SMAD4: variants seen among roughly 807,000 people sequenced by gnomAD.
The protein encoded by SMAD4 is MAD homolog 4.
Under a neutral mutation model 63.2 loss-of-function variants are expected in SMAD4, and 7 were observed. The observed-to-expected ratio is 0.11, with a 90% CI of 0.06 to 0.21. The LOEUF (loss-of-function observed/expected upper bound fraction) is 0.21, where lower values mean the gene tolerates loss of function less well. Among genes scored for constraint, SMAD4 ranks in the 10% least tolerant of loss-of-function variants. The probability of loss-of-function intolerance (pLI) is 1.00; values close to 1 mark genes in which losing one functional copy is unlikely to be tolerated. For synonymous variants in SMAD4, 215 were observed against 235.4 expected (o/e 0.91, Z 0.79); for missense variants, 312 against 693.8 (o/e 0.45, Z 6.18).
intron 1 of SMAD4, among the ~76,000 whole-genome samples, chr18:51,042,601 G>C (rs201278703): frequency 9.1e-3 from 1 of 110 alleles, no homozygotes. Flanking sequence ...TGGCAACCGT[G>C]CCTTTGTTGC....
chr18:51,075,966 T>TC (rs1360606355), intron 10 of SMAD4, among the ~76,000 whole-genome samples: 1 of 152,156 alleles, frequency 6.6e-6, no homozygotes, highest in Admixed American at 6.5e-5. Flanking sequence ...GCCTTTTTTT[T>TC]CCTTAAAAAT....
chr18:51,062,498 A>T (rs1176940242), intron 8 of SMAD4, among the ~76,000 whole-genome samples: 1 of 151,338 alleles, frequency 6.6e-6, no homozygotes, highest in African/African-American at 2.4e-5. Context: ...TTTATTTTTT[A>T]AATTTTTATT....
At chr18:51,071,650 C>T (rs1910320883) in intron 10 of SMAD4, among the ~76,000 whole-genome samples, 1 of 152,138 alleles carries the variant, frequency 6.6e-6, no homozygotes, top group Non-Finnish European at 1.5e-5. Flanking sequence ...ATACAAGTCA[C>T]CCATTTAAAT....
At chr18:51,046,547 T>C (rs1909548950) in intron 1 of SMAD4, among the ~76,000 whole-genome samples, 1 of 152,004 alleles carries the variant, frequency 6.6e-6, no homozygotes, top group Non-Finnish European at 1.5e-5. Context: ...TAATAGACTT[T>C]TAGGTTTAAC....
At chr18:51,040,083 A>G (rs1909328152) in intron 1 of SMAD4, among the ~76,000 whole-genome samples, 1 of 152,124 alleles carries the variant, frequency 6.6e-6, no homozygotes, top group African/African-American at 2.4e-5. Flanking sequence ...TCCTAGTAAT[A>G]ACATTGATAT....
intron 2 of SMAD4, 119 bp downstream of exon 2, chr18:51,047,414 GCATCCTGTA>G: frequency 1.1e-6 from 1 of 881,630 alleles, no homozygotes; most frequent in Non-Finnish European, 1.9e-6. Flanking sequence ...CAGATACTGT[GCATCCTGTA>G]CAAATATGCA....
At chr18:51,066,101 C>G (rs1279866859) in intron 9 of SMAD4, among the ~76,000 whole-genome samples, 10 of 151,984 alleles carry the variant, frequency 6.6e-5, no homozygotes, top group Non-Finnish European at 1.0e-4. Flanking sequence ...CCTATAATCC[C>G]AGCACTTTGG....
At chr18:51,046,856 A>T (rs554393420) in intron 1 of SMAD4, 64 bp from the exon 2 acceptor site, 2 of 562,082 alleles carry the variant, frequency 3.6e-6, no homozygotes, top group Non-Finnish European at 6.3e-6. Context: ...ATCTTTTCCC[A>T]AGTAGTCAGA....
chr18:51,075,049 C>T (rs1910437744), intron 10 of SMAD4, among the ~76,000 whole-genome samples: 1 of 152,070 alleles, frequency 6.6e-6, no homozygotes, highest in African/African-American at 2.4e-5. Flanking sequence ...ACCTAATAGT[C>T]CAGGAAATAC....
chr18:51,030,848 G>T (rs1909026235), intron 1 of SMAD4, among the ~76,000 whole-genome samples: 1 of 151,722 alleles, frequency 6.6e-6, no homozygotes, highest in East Asian at 2.0e-4. Context: ...CCCCAGCTCC[G>T]CTTGCAGCTC....
intron 1 of SMAD4, among the ~76,000 whole-genome samples, chr18:51,038,289 G>C (rs919050663): frequency 4.6e-5 from 7 of 151,952 alleles, no homozygotes; most frequent in Admixed American, 4.6e-4. Flanking sequence ...GTCAACACTG[G>C]GAAGATCTGT....
Position 51,046,896 on chromosome 18 carries a change from GTCTT to G in SMAD4, c.-127-22_-127-19del. ...CTTCGTAAAATGTGTTCTGATGTGT[GTCTT>G]TTTTTTTTTTCTTTTTTAGGTTATC... is the stretch of plus-strand genomic sequence containing the variant. On this transcript the variant is annotated intron_variant, in intron 1 of 11. Transcript: ENST00000342988. The G allele has an allele frequency of 1.5e-6, 1 of 659,026 alleles. No individual in the cohort carries two copies. Among genetic ancestry groups the G allele is most frequent in the East Asian group, 2.7e-5 (1 of 36,822 alleles). The allele number at this position is 659,026 out of a possible 1,614,324, so 40.8% of individuals were successfully genotyped here.
intron 1 of SMAD4, among the ~76,000 whole-genome samples, chr18:51,046,437 G>GT (rs35325456): frequency 0.38 from 53,718 of 140,944 alleles, 9,888 homozygotes; most frequent in East Asian, 0.46. Flanking sequence ...CTAAATTGGG[G>GT]TTTTTTTTTT....
chr18:51,076,837 C>T (rs2144475168), intron 11 of SMAD4, 61 bp downstream of exon 11: 1 of 1,308,848 alleles, frequency 7.6e-7, no homozygotes, highest in South Asian at 1.4e-5. Context: ...TCTTGATTTA[C>T]TCAGTTGATT....
chr18:51,037,133 G>T lies in SMAD4; in HGVS notation c.-128+6510G>T, dbSNP rs140416457. Among the ~76,000 whole-genome samples the T allele has an allele frequency of 4.6e-3, 708 of 152,312 alleles. 5 individuals are homozygous for T. Among genetic ancestry groups the T allele is most frequent in the African/African-American group, 0.016 (675 of 41,568 alleles). ...TGGGAGACAGAGGTTGCAGTGAGCTGAGATTGTGCCACTGCACTCCAGCCT... is the reference window on the plus strand; with the variant it reads ...TGGGAGACAGAGGTTGCAGTGAGCTTAGATTGTGCCACTGCACTCCAGCCT... On this transcript the variant is annotated intron_variant, in intron 1 of 11. Coordinates refer to ENST00000342988, the MANE Select transcript of SMAD4 (RefSeq NM_005359.6).
chr18:51,054,257 A>T (rs1217222391), intron 4 of SMAD4: 2 of 165,278 alleles, frequency 1.2e-5, no homozygotes, highest in East Asian at 3.3e-4. Context: ...CATTCAGTAC[A>T]CTTCATTTTT....
In SMAD4 at chr18:51,067,085, T is replaced by A. The variant is rs758696549; in HGVS notation, c.1206T>A (p.Leu402=). 6.2e-7 allele frequency: 1 copy of A among 1,612,692 alleles called. No individual in the cohort carries two copies. The highest frequency in any genetic ancestry group is 8.5e-7 in the Non-Finnish European group (1 of 1,178,668). Residue 402 remains leucine (L), a synonymous_variant, in exon 10 of 12, where the codon CTT becomes CTA. Transcript: ENST00000342988. ...KGEGDVWVRC[L]SDHAVFVQSY... ...AAGGTGATGTTTGGGTCAGGTGCCT[T>A]AGTGACCACGCGGTCTTTGTACAGA...
At chr18:51,063,877 T>C (rs1422518590) in intron 8 of SMAD4, among the ~76,000 whole-genome samples, 1 of 152,172 alleles carries the variant, frequency 6.6e-6, no homozygotes, top group African/African-American at 2.4e-5. Context: ...AACATTTGAG[T>C]TTTTAAGTTT....
Position 51,030,323 on chromosome 18 carries a change from C to G in SMAD4, c.-428C>G, listed in dbSNP as rs1475658342. The G allele has an allele frequency of 6.6e-6, 1 of 152,664 alleles. No individual in the cohort carries two copies. The highest frequency in any genetic ancestry group is 1.5e-5 in the Non-Finnish European group (1 of 68,096). 9.5% of individuals were successfully genotyped at this position (152,664 alleles called of 1,614,324 possible). ...CGGAGCCTGCGTTCGCGCCTTCCCG[C>G]TCTCCTCGGGAGGCCCTTCCTGCTC... On this transcript the variant is annotated 5_prime_UTR_variant, in exon 1 of 12. Transcript: ENST00000342988.
Sources: gnomAD v4.1 joint callset for allele counts (sites outside exome capture counted in the v4.1 genomes callset) on GRCh38, gnomAD v4.1.1 for gene constraint, MANE v1.5 for transcripts, NCBI Gene and HGNC (gene_info 2026-07-23, HGNC 2026-07-21) for gene names.